Variants in KHDRBS2 observed in about 807,000 individuals in gnomAD.
KHDRBS2 encodes the protein KH domain-containing, RNA-binding, signal transduction-associated protein 2.
A neutral mutation model predicts 44.3 loss-of-function variants in KHDRBS2; 26 were observed. The ratio of observed to expected loss-of-function variants is 0.59; its 90% CI spans 0.43 to 0.81. The LOEUF is 0.81. Ranked by LOEUF, KHDRBS2 falls within the 40% of genes least tolerant of loss-of-function variation. The pLI is 0.00. For missense variants in KHDRBS2, 476 were observed against 433.1 expected, an observed-to-expected ratio of 1.10 and a Z score of -0.88; for synonymous variants, 194 against 151.1, an observed-to-expected ratio of 1.28 and a Z score of -2.08.
At chr6:62,066,402 T>C (rs1411153104) in intron 2 of KHDRBS2, among the ~76,000 whole-genome samples, 1 of 151,676 alleles carries the variant, frequency 6.6e-6, no homozygotes, top group Non-Finnish European at 1.5e-5. Context: ...CAAGTAGTCA[T>C]AAAAGTAACA....
chr6:61,672,466 T>G, the KHDRBS2 span, among the ~76,000 whole-genome samples: 19 of 152,220 alleles, frequency 1.2e-4, no homozygotes, highest in African/African-American at 4.6e-4. Flanking sequence ...CCACCAACAG[T>G]GTAAAAGTGT....
intron 3 of KHDRBS2, among the ~76,000 whole-genome samples, chr6:61,985,205 A>T (rs1306701653): frequency 4.6e-5 from 7 of 152,206 alleles, no homozygotes; most frequent in Non-Finnish European, 1.5e-5. Context: ...CAGTCTAAAG[A>T]GAAAGGTCCT....
chr6:62,027,095 G>A (rs1783497527), intron 3 of KHDRBS2, among the ~76,000 whole-genome samples: 4 of 151,492 alleles, frequency 2.6e-5, no homozygotes, highest in Non-Finnish European at 5.9e-5. Context: ...TGGAACTTAA[G>A]AAATAACTGT....
chr6:61,602,038 C>T, the KHDRBS2 span, among the ~76,000 whole-genome samples: 3 of 152,104 alleles, frequency 2.0e-5, no homozygotes, highest in East Asian at 5.8e-4. Flanking sequence ...TTGGCAGCAA[C>T]CCTGAGATGC....
the KHDRBS2 span, among the ~76,000 whole-genome samples, chr6:61,563,369 C>T: frequency 6.6e-6 from 1 of 152,058 alleles, no homozygotes; most frequent in Non-Finnish European, 1.5e-5. Context: ...CTTATCTATA[C>T]TCCTGAGTTA....
In KHDRBS2 at chr6:61,866,270, G is replaced by T. The variant is rs181874457; in HGVS notation, c.810+28365C>A. Among the ~76,000 whole-genome samples, 429 of 152,316 alleles carry T rather than the reference G, an allele frequency of 2.8e-3. 3 individuals carry two copies. Among genetic ancestry groups the T allele is most frequent in the African/African-American group, 1.0e-2 (415 of 41,570 alleles). Reference sequence around the variant, plus strand: ...CCATACATCCTGTGAAATCTAGGTGGAGGCTCCCAAGCCCCAATTCTTGAC... The same window carrying T: ...CCATACATCCTGTGAAATCTAGGTGTAGGCTCCCAAGCCCCAATTCTTGAC... On this transcript the variant is annotated intron_variant, in intron 6 of 8. Coordinates refer to ENST00000281156, the MANE Select transcript of KHDRBS2 (RefSeq NM_152688.4).
chr6:61,840,618 C>T (rs1364133822), intron 6 of KHDRBS2, among the ~76,000 whole-genome samples: 1 of 152,090 alleles, frequency 6.6e-6, no homozygotes, highest in African/African-American at 2.4e-5. Flanking sequence ...TTGGTATCTA[C>T]TGAGAGAGAG....
the KHDRBS2 span, among the ~76,000 whole-genome samples, chr6:61,548,791 G>A: frequency 5.9e-5 from 9 of 152,124 alleles, no homozygotes; most frequent in East Asian, 1.7e-3. Context: ...AGGAAAAAGT[G>A]GAGTTATCTT....
At chr6:61,599,334 A>G in the KHDRBS2 span, among the ~76,000 whole-genome samples, 1 of 152,126 alleles carries the variant, frequency 6.6e-6, no homozygotes. Context: ...ATATATAGTC[A>G]GCTTATTTGT....
intron 1 of KHDRBS2, among the ~76,000 whole-genome samples, chr6:62,210,327 CTTTT>C (rs70996209): frequency 1.6e-5 from 2 of 122,146 alleles, no homozygotes. Flanking sequence ...TTCTAGCATT[CTTTT>C]TTTTTTTTTT....
intron 4 of KHDRBS2, among the ~76,000 whole-genome samples, chr6:61,930,546 G>GAAAAAAAAAAAAAAAAAAAA (rs1439236595): frequency 1.7e-4 from 8 of 47,574 alleles, no homozygotes; most frequent in South Asian, 7.9e-4. Context: ...AAAAAAAAAA[G>GAAAAAAAAAAAAAAAAAAAA]AAAAAAAAAA....
At chr6:61,770,849 C>A (rs1237926575) in intron 6 of KHDRBS2, among the ~76,000 whole-genome samples, 7 of 152,164 alleles carry the variant, frequency 4.6e-5, no homozygotes, top group Non-Finnish European at 1.0e-4. Context: ...CACAAAGATA[C>A]TCCTCGAGAA....
chr6:62,078,677 G>C (rs540272008), intron 2 of KHDRBS2, among the ~76,000 whole-genome samples: 24 of 152,054 alleles, frequency 1.6e-4, no homozygotes, highest in African/African-American at 5.8e-4. Context: ...ATTCATGAAA[G>C]TGTGCATGAA....
intron 8 of KHDRBS2, among the ~76,000 whole-genome samples, chr6:61,694,950 G>T (rs1338740243): frequency 6.6e-6 from 1 of 152,104 alleles, no homozygotes; most frequent in African/African-American, 2.4e-5. Flanking sequence ...TTTGATTAGT[G>T]CTAGAGAAAC....
the KHDRBS2 span, among the ~76,000 whole-genome samples, chr6:61,553,579 C>A: frequency 1.3e-5 from 2 of 151,858 alleles, no homozygotes. Context: ...TTCTCTAGTT[C>A]TTCTATTTGT....
chr6:61,814,459 A>C (rs1296207052), intron 6 of KHDRBS2, among the ~76,000 whole-genome samples: 1 of 151,664 alleles, frequency 6.6e-6, no homozygotes, highest in Non-Finnish European at 1.5e-5. Flanking sequence ...ATACAAAAAT[A>C]AGCTTGGTGT....
chr6:61,954,354 T>TATGC (rs1218951203), intron 4 of KHDRBS2, among the ~76,000 whole-genome samples: 1 of 86,514 alleles, frequency 1.2e-5, no homozygotes, highest in Non-Finnish European at 2.6e-5. Flanking sequence ...TATACATATG[T>TATGC]ATGCATACAT....
the KHDRBS2 span, chr6:61,652,205 G>C: frequency 7.9e-5 from 12 of 152,010 alleles, no homozygotes; most frequent in Admixed American, 7.2e-4. Flanking sequence ...CACTGTCGTA[G>C]ATACATTCGT....
At chr6:61,979,509 A>G (rs1243010946) in intron 3 of KHDRBS2, among the ~76,000 whole-genome samples, 1 of 152,116 alleles carries the variant, frequency 6.6e-6, no homozygotes, top group African/African-American at 2.4e-5. Context: ...TTACTTGATT[A>G]GAAATGCTCA....
Sources: gnomAD v4.1 joint callset for allele counts (sites outside exome capture counted in the v4.1 genomes callset) on GRCh38, gnomAD v4.1.1 for gene constraint, MANE v1.5 for transcripts, NCBI Gene and HGNC (gene_info 2026-07-23, HGNC 2026-07-21) for gene names.